The following DOT1L variants were observed in gnomAD, a reference collection of about 807,000 sequenced individuals.
DOT1L encodes the protein DOT1 like histone lysine methyltransferase.
Under a neutral mutation model 153.3 loss-of-function variants are expected in DOT1L, and 33 were observed. That is an observed-to-expected ratio of 0.22 (90% CI 0.16 to 0.29). DOT1L has a LOEUF of 0.29. Ranked by LOEUF, DOT1L falls within the 10% of genes least tolerant of loss-of-function variation. The pLI is 1.00. For synonymous variants in DOT1L, 1,135 were observed against 965.1 expected (o/e 1.18, Z -3.26); for missense variants, 1,847 against 2,119.9 (o/e 0.87, Z 2.53).
chr19:2,187,153 C>A (rs571229840), intron 3 of DOT1L, among the ~76,000 whole-genome samples: 3 of 152,344 alleles, frequency 2.0e-5, no homozygotes, highest in Non-Finnish European at 2.9e-5. Context: ...CGCTTCCTTA[C>A]AACAGAAGAC....
At position 2,229,808 on chromosome 19, in the gene DOT1L, C is replaced by G; in HGVS notation, c.*16C>G. The G allele has an allele frequency of 6.2e-7, 1 of 1,613,246 alleles. No homozygotes were observed. The highest frequency in any genetic ancestry group is 8.5e-7 in the Non-Finnish European group (1 of 1,179,942). ...AGGTAACTAGGATTTCTACCTCAAC[C>G]GCGAGACCTATGCAAGGACGGTGTG... On this transcript the variant is annotated 3_prime_UTR_variant, in exon 28 of 28. Transcript: ENST00000398665.
At chr19:2,215,459 G>A (rs2023863976) in intron 19 of DOT1L, 1 of 152,282 alleles carries the variant, frequency 6.6e-6, no homozygotes, top group Non-Finnish European at 1.5e-5. Context: ...TGTTCCCAGA[G>A]CCCCATCCCG....
chr19:2,207,337 A>G lies in DOT1L; in HGVS notation c.857-237A>G, dbSNP rs934069647. 1.3e-5 allele frequency among the ~76,000 whole-genome samples: 2 copies of G among 151,000 alleles called. No homozygotes were observed. Among genetic ancestry groups the G allele is most frequent in the African/African-American group, 4.9e-5 (2 of 41,016 alleles). On this transcript the variant is annotated intron_variant, in intron 10 of 27. Coordinates refer to ENST00000398665, the MANE Select transcript of DOT1L (RefSeq NM_032482.3). The surrounding 1 kb of genome is among the most constrained non-coding windows in gnomAD (Gnocchi z 4.5). ...TCTTCTCCCCCTCCTTTTCCATTCC[A>G]CTCAGCTGGGTTTGTGGCTGTTTTT... is the stretch of plus-strand genomic sequence containing the variant.
chr19:2,163,981 C>G lies in DOT1L; in HGVS notation c.-204C>G, dbSNP rs942470034. 4.5e-4 allele frequency among the ~76,000 whole-genome samples: 68 copies of G among 149,766 alleles called. No homozygotes were observed. The highest frequency in any genetic ancestry group is 7.2e-4 in the Non-Finnish European group (48 of 66,954). ...CAAGATGGCGGAGGCGCTGGAGGCCCCGGGCCTGTGACTACAAAGAGGGAG... is the reference window on the plus strand; with the variant it reads ...CAAGATGGCGGAGGCGCTGGAGGCCGCGGGCCTGTGACTACAAAGAGGGAG... On this transcript the variant is annotated 5_prime_UTR_variant, in exon 1 of 28. Coordinates refer to ENST00000398665, the MANE Select transcript of DOT1L (RefSeq NM_032482.3).
intron 7 of DOT1L, 74 bp from the exon 8 acceptor site, chr19:2,199,810 C>T: frequency 6.5e-7 from 1 of 1,549,998 alleles, no homozygotes; most frequent in Non-Finnish European, 8.8e-7. Flanking sequence ...TCCATTCTTT[C>T]TTCACAGGGG....
chr19:2,179,124 T>C (rs1233398371), intron 1 of DOT1L, among the ~76,000 whole-genome samples: 1 of 152,116 alleles, frequency 6.6e-6, no homozygotes, highest in Non-Finnish European at 1.5e-5. Flanking sequence ...AGCTGGGGTC[T>C]CTGTGTGGCA....
At chr19:2,228,456 C>T (rs1201027767) in intron 27 of DOT1L, 9 of 1,217,958 alleles carry the variant, frequency 7.4e-6, no homozygotes, top group Non-Finnish European at 9.4e-6. Context: ...AAGACGGCCA[C>T]AGGGCTCGGC....
intron 2 of DOT1L, among the ~76,000 whole-genome samples, chr19:2,183,623 T>G (rs2022347422): frequency 6.7e-6 from 1 of 149,122 alleles, no homozygotes; most frequent in Non-Finnish European, 1.5e-5. Flanking sequence ...GTATTCCTGC[T>G]TCAGTGCTTT....
intron 27 of DOT1L, chr19:2,227,771 T>C: frequency 1.5e-6 from 2 of 1,320,218 alleles, no homozygotes; most frequent in Non-Finnish European, 2.0e-6. Flanking sequence ...CCGCCTCTGC[T>C]CATCCGTTTG....
chr19:2,228,768 G>C lies in DOT1L; in HGVS notation c.4607-1017G>C, dbSNP rs1568376958. The C allele has an allele frequency of 8.1e-6, 8 of 985,290 alleles. No individual in the cohort carries two copies. The South Asian group carries it at 2.8e-4, about 35-fold the overall frequency. 61.0% of individuals were successfully genotyped at this position (985,290 alleles called of 1,614,324 possible). A position where few individuals can be genotyped will look rare whatever the true frequency, so the allele number is the denominator to read the frequency against. ...ACCAGGCCCAGGTCACTCATGACGG[G>C]TGGCGTGGCTTGGTGCTGTTCCCCA... On this transcript the variant is annotated intron_variant, in intron 27 of 27. Coordinates refer to ENST00000398665, the MANE Select transcript of DOT1L (RefSeq NM_032482.3).
In DOT1L at chr19:2,220,486, G is replaced by C. The variant is rs748399092; in HGVS notation, c.2806+264G>C. On this transcript the variant is annotated intron_variant, in intron 23 of 27. Transcript: ENST00000398665. The surrounding 1 kb of genome is among the most constrained non-coding windows in gnomAD (Gnocchi z 4.5). ...CTGCTTGGGTGTATTAATTCAGCCC[G>C]TGAGGTCGGCCCCAGTGCTCTCGGG... 1.7e-6 allele frequency: 1 copy of C among 577,056 alleles called. No homozygotes were observed. The highest frequency in any genetic ancestry group is 2.2e-5 in the Admixed American group (1 of 45,810). The allele number at this position is 577,056 out of a possible 1,614,324, so 35.7% of individuals were successfully genotyped here.
chr19:2,190,991 C>G lies in DOT1L; in HGVS notation c.265-21C>G. 6.4e-7 allele frequency: 1 copy of G among 1,574,244 alleles called. No individual in the cohort carries two copies. The highest frequency in any genetic ancestry group is 8.6e-7 in the Non-Finnish European group (1 of 1,163,946). ...GGCCGTGAGGTTTATGTGACATGGC[C>G]GGGCCACCCTCCGTCCGCAGTGGAA... On this transcript the variant is annotated intron_variant, in intron 4 of 27. Coordinates refer to ENST00000398665, the MANE Select transcript of DOT1L (RefSeq NM_032482.3). The surrounding 1 kb of genome is among the most constrained non-coding windows in gnomAD (Gnocchi z 4.8).
At chr19:2,194,614 G>A in intron 7 of DOT1L, 37 bp downstream of exon 7, 1 of 1,601,698 alleles carries the variant, frequency 6.2e-7, no homozygotes, top group Admixed American at 1.7e-5. Context: ...CCCATCGCCG[G>A]CCCCACCCCC....
intron 19 of DOT1L, 124 bp from the exon 20 acceptor site, chr19:2,216,156 GT>G (rs2023889529): frequency 1.4e-6 from 2 of 1,411,414 alleles, no homozygotes; most frequent in East Asian, 4.8e-5. Flanking sequence ...GGCAGCTTTG[GT>G]TTTTCCATCC....
intron 1 of DOT1L, among the ~76,000 whole-genome samples, chr19:2,165,431 C>T (rs907341896): frequency 6.6e-6 from 1 of 152,126 alleles, no homozygotes; most frequent in East Asian, 1.9e-4. Context: ...AGCCTGGCCG[C>T]ACGTCCCGCG....
intron 27 of DOT1L, chr19:2,229,123 C>T (rs2024491476): frequency 2.0e-6 from 2 of 985,320 alleles, no homozygotes; most frequent in African/African-American, 3.5e-5. Context: ...CGGTGCCCAC[C>T]TTTGAGACCA....
chr19:2,186,597 G>C (rs991214120), intron 3 of DOT1L, among the ~76,000 whole-genome samples: 1 of 152,190 alleles, frequency 6.6e-6, no homozygotes, highest in African/African-American at 2.4e-5. Context: ...AGGGCCACGC[G>C]GCTGCACTTT....
In DOT1L at chr19:2,229,467, C is replaced by T. The variant is rs142620137; in HGVS notation, c.4607-318C>T. The T allele has an allele frequency of 7.1e-3, 6,993 of 985,472 alleles. 38 individuals are homozygous for T. Among genetic ancestry groups the T allele is most frequent in the Middle Eastern group, 0.02 (38 of 1,914 alleles). 61.0% of individuals were successfully genotyped at this position (985,472 alleles called of 1,614,324 possible). On this transcript the variant is annotated intron_variant, in intron 27 of 27. Transcript: ENST00000398665. ...CCTGGCGGGTCAATGCGGGCACCTGCGGGCTGGACAAGCTATGCTGGGTCT... is the reference window on the plus strand; with the variant it reads ...CCTGGCGGGTCAATGCGGGCACCTGTGGGCTGGACAAGCTATGCTGGGTCT...
chr19:2,198,920 G>C (rs112992482), intron 7 of DOT1L, among the ~76,000 whole-genome samples: 1 of 152,230 alleles, frequency 6.6e-6, no homozygotes, highest in South Asian at 2.1e-4. Flanking sequence ...CTGCTTCCAG[G>C]TGTGCGCGGC....
Sources: gnomAD v4.1 joint callset for allele counts (sites outside exome capture counted in the v4.1 genomes callset) on GRCh38, gnomAD v4.1.1 for gene constraint, Gnocchi (gnomAD v3.1) non-coding constraint, MANE v1.5 for transcripts, NCBI Gene and HGNC (gene_info 2026-07-23, HGNC 2026-07-21) for gene names.